The following RIMS2 variants were observed in gnomAD, a reference collection of about 807,000 sequenced individuals.
RIMS2 encodes regulating synaptic membrane exocytosis protein 2.
Under a neutral mutation model 174.4 loss-of-function variants are expected in RIMS2, and 59 were observed. The observed-to-expected ratio is 0.34, with a 90% CI of 0.27 to 0.42. The LOEUF (loss-of-function observed/expected upper bound fraction) is 0.42. Ranked by LOEUF, RIMS2 falls within the 10% of genes least tolerant of loss-of-function variation. RIMS2 has a pLI of 1.00. For synonymous variants in RIMS2, 606 were observed against 572.5 expected (o/e 1.06, Z -0.84); for missense variants, 1,620 against 1,666.3 (o/e 0.97, Z 0.48).
At chr8:103,536,366 AAGG>A (rs1192157524) in intron 1 of RIMS2, among the ~76,000 whole-genome samples, 2 of 152,200 alleles carry the variant, frequency 1.3e-5, no homozygotes, top group Non-Finnish European at 2.9e-5. Flanking sequence ...AGCAGTAAGA[AAGG>A]AGAAGTATTA....
chr8:103,809,284 AC>A (rs1438387816), intron 3 of RIMS2, among the ~76,000 whole-genome samples: 2 of 151,022 alleles, frequency 1.3e-5, no homozygotes, highest in South Asian at 2.1e-4. Flanking sequence ...TTTTAGGAAA[AC>A]TTCCTCTGAA....
At chr8:103,702,852 G>GTTTTTTT (rs59947900) in intron 2 of RIMS2, among the ~76,000 whole-genome samples, 7 of 117,238 alleles carry the variant, frequency 6.0e-5, no homozygotes, top group African/African-American at 9.7e-5. Context: ...TCCTCCAGCT[G>GTTTTTTT]TTTTTTTTTT....
chr8:103,833,877 A>G (rs1949617), intron 3 of RIMS2, among the ~76,000 whole-genome samples: 48,911 of 151,830 alleles, frequency 0.32, 8,832 homozygotes, highest in East Asian at 0.77. Context: ...TTGAGTATGG[A>G]TCTTGTTTTC....
intron 19 of RIMS2, among the ~76,000 whole-genome samples, chr8:104,100,837 A>ATATATATGTATTATATATGTAATATATAT (rs2097859806): frequency 7.1e-6 from 1 of 140,064 alleles, no homozygotes; most frequent in East Asian, 2.0e-4. Flanking sequence ...GTAATATATA[A>ATATATATGTATTATATATGTAATATATAT]TATATATGTA....
chr8:103,974,544 A>G (rs753848444), intron 15 of RIMS2, among the ~76,000 whole-genome samples: 5 of 152,154 alleles, frequency 3.3e-5, no homozygotes, highest in African/African-American at 2.4e-5. Flanking sequence ...TTGTTTTCCT[A>G]CCAACTTAGA....
intron 1 of RIMS2, among the ~76,000 whole-genome samples, chr8:103,602,234 G>A (rs573399051): frequency 6.6e-5 from 10 of 152,182 alleles, no homozygotes; most frequent in South Asian, 2.1e-4. Context: ...TGATCCGCCC[G>A]CCTCGGCCTC....
intron 14 of RIMS2, among the ~76,000 whole-genome samples, chr8:103,960,614 G>C (rs991375639): frequency 6.6e-6 from 1 of 152,022 alleles, no homozygotes; most frequent in African/African-American, 2.4e-5. Context: ...TCAATGTATT[G>C]GTGATGCATA....
At chr8:103,535,552 C>T (rs190502427) in intron 1 of RIMS2, among the ~76,000 whole-genome samples, 53 of 152,274 alleles carry the variant, frequency 3.5e-4, no homozygotes, top group Non-Finnish European at 6.0e-4. Context: ...CAGAATTCAA[C>T]GTTAGCTTTT....
At chr8:103,827,068 T>A (rs79502121) in intron 3 of RIMS2, among the ~76,000 whole-genome samples, 5 of 152,292 alleles carry the variant, frequency 3.3e-5, no homozygotes, top group South Asian at 2.1e-4. Context: ...TAGATTGATT[T>A]GGGAAGAAAT....
At chr8:103,511,839 TA>T (rs1399314298) in intron 1 of RIMS2, among the ~76,000 whole-genome samples, 1 of 152,182 alleles carries the variant, frequency 6.6e-6, no homozygotes, top group African/African-American at 2.4e-5. Context: ...AGCCTTCTTC[TA>T]GGGGTAAGGT....
intron 1 of RIMS2, among the ~76,000 whole-genome samples, chr8:103,598,474 G>A (rs568853093): frequency 1.3e-5 from 2 of 152,206 alleles, no homozygotes; most frequent in African/African-American, 4.8e-5. Context: ...ATTCATTGAG[G>A]TAATAATTTT....
chr8:103,788,788 G>T (rs1303030291), intron 3 of RIMS2, among the ~76,000 whole-genome samples: 1 of 152,206 alleles, frequency 6.6e-6, no homozygotes, highest in East Asian at 1.9e-4. Context: ...TTGAGCTGTG[G>T]TGGGCTCCAC....
At chr8:103,814,435 A>T (rs562885643) in intron 3 of RIMS2, among the ~76,000 whole-genome samples, 1 of 151,988 alleles carries the variant, frequency 6.6e-6, no homozygotes, top group Admixed American at 6.6e-5. Context: ...AAAAAAAAAA[A>T]CTTAAAAAGA....
intron 1 of RIMS2, among the ~76,000 whole-genome samples, chr8:103,695,461 A>G (rs893763291): frequency 6.6e-6 from 1 of 151,832 alleles, no homozygotes; most frequent in Non-Finnish European, 1.5e-5. Context: ...TTTTTGAGAC[A>G]CATTTTATTT....
intron 17 of RIMS2, among the ~76,000 whole-genome samples, chr8:104,006,596 C>T (rs1296122431): frequency 6.6e-6 from 1 of 151,126 alleles, no homozygotes; most frequent in Non-Finnish European, 1.5e-5. Context: ...TGTTCTGCTA[C>T]CCCTTCAAGC....
intron 19 of RIMS2, among the ~76,000 whole-genome samples, chr8:104,137,951 T>C (rs2098535073): frequency 6.6e-6 from 1 of 152,146 alleles, no homozygotes; most frequent in Non-Finnish European, 1.5e-5. Flanking sequence ...CCACTACCCT[T>C]CTCAGCCTCT....
At chr8:103,694,211 A>G (rs1233109537) in intron 1 of RIMS2, among the ~76,000 whole-genome samples, 1 of 151,982 alleles carries the variant, frequency 6.6e-6, no homozygotes, top group Non-Finnish European at 1.5e-5. Context: ...GCAGGTTCTG[A>G]TCTTTGCCTT....
At chr8:103,786,563 T>C (rs201621375) in intron 3 of RIMS2, among the ~76,000 whole-genome samples, 12 of 152,118 alleles carry the variant, frequency 7.9e-5, no homozygotes, top group East Asian at 3.9e-4. Flanking sequence ...TGTTCAGTTT[T>C]CATGTAGTTG....
chr8:103,920,664 A>G lies in RIMS2; in HGVS notation c.2084-1008A>G, dbSNP rs749531214. On this transcript the variant is annotated intron_variant, in intron 9 of 23. Coordinates refer to ENST00000504942, the Ensembl canonical transcript of RIMS2. ...GGTGTTGTAGGTTCACTGTGTTCCC[A>G]ATTAAGTTTTTATACATCCATTCCC... is the stretch of plus-strand genomic sequence containing the variant. 2.6e-5 allele frequency: 12 copies of G among 457,002 alleles called. 1 individual carries two copies. The highest frequency in any genetic ancestry group is 1.7e-4 in the South Asian group (11 of 64,564). The allele number at this position is 457,002 out of a possible 1,614,324, so 28.3% of individuals were successfully genotyped here.
Sources: allele counts gnomAD v4.1 joint callset (sites outside exome capture counted in the v4.1 genomes callset), GRCh38; gene constraint gnomAD v4.1.1; transcripts MANE v1.5; gene names NCBI Gene and HGNC (gene_info 2026-07-23, HGNC 2026-07-21).